The following ARHGAP40 variants were observed in gnomAD, a reference collection of about 807,000 sequenced individuals.
ARHGAP40 encodes the protein Rho GTPase activating protein 40.
In ARHGAP40, 43 loss-of-function variants were observed where a neutral mutation model predicts 73.5. The ratio of observed to expected loss-of-function variants is 0.58; its 90% CI spans 0.46 to 0.75. The LOEUF is 0.75. ARHGAP40 is among the 30% of genes least tolerant of loss of function. ARHGAP40 has a pLI of 0.00. For missense variants in ARHGAP40, 734 were observed against 861.8 expected (o/e 0.85, Z 1.86); for synonymous variants, 300 against 352.8 (o/e 0.85, Z 1.68).
rs771787659 is a variant in ARHGAP40 at position 38,641,824 on chromosome 20, C to A, written c.1362+16C>A. 3.8e-5 allele frequency: 48 copies of A among 1,268,336 alleles called. No homozygotes were observed. The highest frequency in any genetic ancestry group is 7.2e-6 in the Non-Finnish European group (7 of 973,434). The allele number at this position is 1,268,336 out of a possible 1,614,324, so 78.6% of individuals were successfully genotyped here. On this transcript the variant is annotated intron_variant, in intron 10 of 14. Coordinates refer to ENST00000373345, the Ensembl canonical transcript of ARHGAP40. ...TGCCTTAAAGGTAAGAGTTACCATG[C>A]ACCACCACCACTCTGCCATCTCAGC... is the stretch of plus-strand genomic sequence containing the variant.
chr20:38,639,224 T>C lies in ARHGAP40; in HGVS notation c.1120-3T>C, dbSNP rs775550813. ...TGTGTTTTCATGCCCCGCCTTCCTG[T>C]AGGGGCTGGAACAGAAACTGGAGAG... On this transcript the variant is annotated splice_polypyrimidine_tract_variant and splice_region_variant and intron_variant, in intron 8 of 14. Transcript: ENST00000373345. 3.8e-6 allele frequency: 5 copies of C among 1,305,258 alleles called. No homozygotes were observed. The highest frequency in any genetic ancestry group is 1.0e-6 in the Non-Finnish European group (1 of 988,784). 80.9% of individuals were successfully genotyped at this position (1,305,258 alleles called of 1,614,324 possible).
chr20:38,633,258 G>A (rs1484172820), intron 5 of ARHGAP40, among the ~76,000 whole-genome samples: 1 of 152,076 alleles, frequency 6.6e-6, no homozygotes, highest in Non-Finnish European at 1.5e-5. Flanking sequence ...CTGCAACCTG[G>A]GTGACAGAGC....
In ARHGAP40 at chr20:38,629,670, G is replaced by T. The variant is rs1488912530; in HGVS notation, c.783+20G>T. On this transcript the variant is annotated intron_variant, in intron 5 of 14. Transcript: ENST00000373345. The stretch of plus-strand genomic sequence containing the variant: ...CTGCCGGTGAGGATGCTGTCCACAG[G>T]GCTGGTTGGCTAGGTCCCCCTGTGC... The T allele has an allele frequency of 7.7e-7, 1 of 1,303,922 alleles. No homozygotes were observed. Among genetic ancestry groups the T allele is most frequent in the African/African-American group, 1.5e-5 (1 of 65,856 alleles). The allele number at this position is 1,303,922 out of a possible 1,614,324, so 80.8% of individuals were successfully genotyped here. A position where few individuals can be genotyped will look rare whatever the true frequency, so the allele number is the denominator to read the frequency against.
chr20:38,625,074 C>A (rs915526833), intron 2 of ARHGAP40, among the ~76,000 whole-genome samples: 15 of 152,242 alleles, frequency 9.9e-5, no homozygotes, highest in Admixed American at 3.3e-4. Context: ...GCTGGGCTTG[C>A]CCCTGGTTGG....
chr20:38,634,314 T>C (rs533729680), intron 5 of ARHGAP40, among the ~76,000 whole-genome samples: 1 of 152,318 alleles, frequency 6.6e-6, no homozygotes, highest in East Asian at 1.9e-4. Flanking sequence ...TTCATGCCAC[T>C]GTACGCCAGC....
chr20:38,628,919 T>A lies in ARHGAP40; in HGVS notation c.559-8T>A. ...TGAGTAATTGGGCACTGTCTGTAATTTGCATAGAAAATGTCGTCAGAGAAT... is the reference window on the plus strand; with the variant it reads ...TGAGTAATTGGGCACTGTCTGTAATATGCATAGAAAATGTCGTCAGAGAAT... On this transcript the variant is annotated splice_polypyrimidine_tract_variant and splice_region_variant and intron_variant, in intron 3 of 14. Transcript: ENST00000373345. The A allele has an allele frequency of 7.7e-7, 1 of 1,303,890 alleles. No individual in the cohort carries two copies. The allele number at this position is 1,303,890 out of a possible 1,614,324, so 80.8% of individuals were successfully genotyped here.
exon 10 of ARHGAP40, chr20:38,641,734 A>T: frequency 7.7e-7 from 1 of 1,296,084 alleles, no homozygotes; most frequent in Non-Finnish European, 1.0e-6. Context: ...AGACATCCCC[A>T]ACCTGAAGCA....
chr20:38,626,468 C>T (rs568098914), intron 2 of ARHGAP40, among the ~76,000 whole-genome samples: 3 of 152,330 alleles, frequency 2.0e-5, no homozygotes, highest in African/African-American at 7.2e-5. Context: ...GAAATCTCAA[C>T]ACACCCTCCC....
chr20:38,629,584 G>A lies in ARHGAP40; in HGVS notation c.717G>A (p.Ala239=), dbSNP rs560698049. Residue 239 remains alanine, a synonymous_variant, in exon 5 of 15, where the codon GCG becomes GCA. Transcript: ENST00000373345. ...ACTCTGCCTACTCAGAACAAGCTGC[G>A]GTGCTCCTGCAGAGGAGCAGGCCAT... 4.0e-5 allele frequency: 52 copies of A among 1,305,408 alleles called. No homozygotes were observed. In the East Asian group the frequency reaches 1.6e-3, roughly 40 times the overall value. The allele number at this position is 1,305,408 out of a possible 1,614,324, so 80.9% of individuals were successfully genotyped here.
intron 2 of ARHGAP40, among the ~76,000 whole-genome samples, 181 bp downstream of exon 2, chr20:38,623,739 A>G (rs534176207): frequency 7.2e-5 from 11 of 152,210 alleles, no homozygotes; most frequent in Non-Finnish European, 1.2e-4. Context: ...TCTGTTCTCC[A>G]TGCCATAGTC....
chr20:38,615,898 A>G (rs573312460), intron 1 of ARHGAP40, among the ~76,000 whole-genome samples: 4 of 152,164 alleles, frequency 2.6e-5, no homozygotes, highest in African/African-American at 9.6e-5. Context: ...GTGGCTGGGG[A>G]TTAGTTGCTC....
chr20:38,630,684 A>G (rs541287194), intron 5 of ARHGAP40, among the ~76,000 whole-genome samples: 2 of 152,308 alleles, frequency 1.3e-5, no homozygotes, highest in East Asian at 1.9e-4. Context: ...ATACCAACAA[A>G]TGAGTACAGA....
At chr20:38,637,870 A>G (rs1601147390) in intron 7 of ARHGAP40, 71 bp downstream of exon 7, 1 of 1,186,958 alleles carries the variant, frequency 8.4e-7, no homozygotes, top group Non-Finnish European at 1.1e-6. Context: ...CATTGTCAGG[A>G]GACATCCAGC....
chr20:38,645,458 C>A (rs866617909), intron 11 of ARHGAP40, among the ~76,000 whole-genome samples: 4 of 152,294 alleles, frequency 2.6e-5, no homozygotes, highest in Middle Eastern at 6.8e-3. Flanking sequence ...ACCCCCATCA[C>A]CCTCGCTCTT....
exon 15 of ARHGAP40, chr20:38,650,633 G>A (rs191647964): frequency 4.2e-6 from 2 of 471,058 alleles, no homozygotes; most frequent in Non-Finnish European, 8.8e-6. Flanking sequence ...AAACAGTAAA[G>A]GCACAACAAG....
intron 1 of ARHGAP40, among the ~76,000 whole-genome samples, chr20:38,604,679 C>A (rs1036133349): frequency 1.3e-5 from 2 of 152,142 alleles, no homozygotes; most frequent in African/African-American, 2.4e-5. Context: ...CAAGCGTGAG[C>A]CAATGCGCCT....
intron 1 of ARHGAP40, among the ~76,000 whole-genome samples, chr20:38,611,448 CA>C (rs1156483694): frequency 5.2e-5 from 7 of 135,752 alleles, no homozygotes; most frequent in African/African-American, 1.9e-4. Context: ...AACAGGGTCT[CA>C]CTCTTTTACC....
intron 3 of ARHGAP40, among the ~76,000 whole-genome samples, chr20:38,627,478 T>G (rs2088906705): frequency 2.3e-5 from 2 of 86,580 alleles, no homozygotes; most frequent in South Asian, 3.7e-4. Flanking sequence ...TTGGGGTGTG[T>G]GTATGTTGGT....
rs1217315129 is a variant in ARHGAP40 at position 38,637,808 on chromosome 20, C to T, written c.1041+9C>T. ...CGCTGGTCCTTCAAGCCGTAAGTCG[C>T]CCCTACCCCAGCTTGGGTTTATTTA... On this transcript the variant is annotated intron_variant, in intron 7 of 14. Coordinates refer to ENST00000373345, the Ensembl canonical transcript of ARHGAP40. The T allele has an allele frequency of 1.0e-5, 13 of 1,304,072 alleles. No homozygotes were observed. In the East Asian group the frequency reaches 3.9e-4, roughly 39 times the overall value. 80.8% of individuals were successfully genotyped at this position (1,304,072 alleles called of 1,614,324 possible).
Sources: gnomAD v4.1 joint callset for allele counts (sites outside exome capture counted in the v4.1 genomes callset) on GRCh38, gnomAD v4.1.1 for gene constraint, MANE v1.5 for transcripts, NCBI Gene and HGNC (gene_info 2026-07-23, HGNC 2026-07-21) for gene names.